Variants in PCDHGA4 observed in about 807,000 individuals in gnomAD.
The protein encoded by PCDHGA4 is protocadherin gamma subfamily A, 4, also known as protocadherin gamma-A4.
Under a neutral mutation model 54.6 loss-of-function variants are expected in PCDHGA4, and 38 were observed. The ratio of observed to expected loss-of-function variants is 0.70; its 90% confidence interval spans 0.54 to 0.91. The LOEUF is 0.91. PCDHGA4 is among the 40% of genes least tolerant of loss of function. The pLI is 0.00. For missense variants in PCDHGA4, 1,298 were observed against 1,220.9 expected, an observed-to-expected ratio of 1.06 and a Z score of -0.94; for synonymous variants, 511 against 512.9, an observed-to-expected ratio of 1.00 and a Z score of 0.05.
At chr5:141,444,125 C>A (rs1459174213) in intron 1 of PCDHGA4, among the ~76,000 whole-genome samples, 2 of 130,784 alleles carry the variant, frequency 1.5e-5, no homozygotes, top group African/African-American at 5.7e-5. Flanking sequence ...AGTATCTCAA[C>A]AGATATGTGT....
chr5:141,442,596 T>C (rs2154559877), intron 1 of PCDHGA4: 1 of 152,310 alleles, frequency 6.6e-6, no homozygotes, highest in South Asian at 2.1e-4. Flanking sequence ...TTAAATATTT[T>C]CAGAGATCTC....
Position 141,393,813 on chromosome 5 carries a change from C to T in PCDHGA4, c.2514+36192C>T, listed in dbSNP as rs376904307. On this transcript the variant is annotated intron_variant, in intron 1 of 3. Coordinates refer to ENST00000571252, the MANE Select transcript of PCDHGA4 (RefSeq NM_018917.4). ...GGCACTTCTGGGGAGGACCAAATTGCTCATTTCGGTGGAAGATGTAAATGA... is the reference window on the plus strand; with the variant it reads ...GGCACTTCTGGGGAGGACCAAATTGTTCATTTCGGTGGAAGATGTAAATGA... 4.3e-6 allele frequency: 7 copies of T among 1,613,812 alleles called. 1 individual carries two copies. The East Asian group carries it at 8.9e-5, about 21-fold the overall frequency.
chr5:141,477,874 T>G lies in PCDHGA4; in HGVS notation c.2515-16933T>G. On this transcript the variant is annotated intron_variant, in intron 1 of 3. Coordinates refer to ENST00000571252, the MANE Select transcript of PCDHGA4 (RefSeq NM_018917.4). This position sits in a 1 kb window ranked among gnomAD's most constrained non-coding sequence, Gnocchi z 4.9. ...AGATGCTGCCTCGAGGTACCTCAGC[T>G]GGCCACCTAGTGTCACGGGTGGTAG... 1 of 1,614,176 alleles carries G rather than the reference T, an allele frequency of 6.2e-7. No individual in the cohort carries two copies. The highest frequency in any genetic ancestry group is 8.5e-7 in the Non-Finnish European group (1 of 1,180,028).
At chr5:141,473,169 C>T (rs141382764) in intron 1 of PCDHGA4, among the ~76,000 whole-genome samples, 2 of 152,286 alleles carry the variant, frequency 1.3e-5, no homozygotes, top group East Asian at 3.9e-4. Context: ...GGAAGGCCCA[C>T]TGGTAACTTG....
chr5:141,473,616 G>A (rs1049605139), intron 1 of PCDHGA4, among the ~76,000 whole-genome samples: 5 of 152,118 alleles, frequency 3.3e-5, no homozygotes, highest in African/African-American at 1.2e-4. Flanking sequence ...GCAAAGGGAG[G>A]GAGGAAAAAG....
At chr5:141,415,266 G>T in intron 1 of PCDHGA4, 1 of 1,614,218 alleles carries the variant, frequency 6.2e-7, no homozygotes, top group Non-Finnish European at 8.5e-7. Flanking sequence ...CTCTGTACCT[G>T]GTGGTAGCGG....
At chr5:141,474,159 G>A (rs2154571930) in intron 1 of PCDHGA4, among the ~76,000 whole-genome samples, 1 of 152,226 alleles carries the variant, frequency 6.6e-6, no homozygotes, top group South Asian at 2.1e-4. Context: ...GAAAATGACA[G>A]GCCTTATTAT....
Position 141,431,046 on chromosome 5 carries a change from G to A in PCDHGA4, c.2515-63761G>A, listed in dbSNP as rs1324139757. 7 of 1,614,240 alleles carry A rather than the reference G, an allele frequency of 4.3e-6. 1 individual carries two copies. The Admixed American group carries it at 1.0e-4, about 23-fold the overall frequency. ...GGCAGGATAGACCGGGAGGAGCTCTGTATGGGGGCCATCAAGTGTCAATTA... is the reference window on the plus strand; with the variant it reads ...GGCAGGATAGACCGGGAGGAGCTCTATATGGGGGCCATCAAGTGTCAATTA... On this transcript the variant is annotated intron_variant, in intron 1 of 3. Transcript: ENST00000571252. The surrounding 1 kb of genome is among the most constrained non-coding windows in gnomAD (Gnocchi z 4.8).
intron 1 of PCDHGA4, chr5:141,414,517 G>A: frequency 6.2e-7 from 1 of 1,613,964 alleles, no homozygotes; most frequent in Non-Finnish European, 8.5e-7. Context: ...ACAAGTGGCA[G>A]ATATCAATGA....
At chr5:141,475,996 G>T (rs2099383729) in intron 1 of PCDHGA4, 4 of 1,181,402 alleles carry the variant, frequency 3.4e-6, no homozygotes, top group Non-Finnish European at 3.5e-6. Flanking sequence ...GCAAATCAAC[G>T]GCATCCAGAA....
intron 1 of PCDHGA4, among the ~76,000 whole-genome samples, chr5:141,481,049 C>A (rs1165894624): frequency 1.3e-5 from 2 of 152,096 alleles, no homozygotes; most frequent in Non-Finnish European, 2.9e-5. Context: ...CAGAGCGAGA[C>A]TCCACCTCAA....
At position 141,485,009 on chromosome 5, in the gene PCDHGA4, C is replaced by T. The variant is rs531346426; in HGVS notation, c.2515-9798C>T. The T allele has an allele frequency of 6.4e-5, 40 of 628,334 alleles. No homozygotes were observed. Among genetic ancestry groups the T allele is most frequent in the Admixed American group, 5.3e-4 (18 of 33,986 alleles). The allele number at this position is 628,334 out of a possible 1,614,324, so 38.9% of individuals were successfully genotyped here. On this transcript the variant is annotated intron_variant, in intron 1 of 3. Transcript: ENST00000571252. The surrounding 1 kb of genome is among the most constrained non-coding windows in gnomAD (Gnocchi z 5.7). Reference sequence around the variant, plus strand: ...GGTGGTGAAAGGCAGACAAATCTACCCCGCCACCAGCAAAAACGGCGCGTA... The same window carrying T: ...GGTGGTGAAAGGCAGACAAATCTACTCCGCCACCAGCAAAAACGGCGCGTA...
At chr5:141,389,180 CA>C (rs2091638521) in intron 1 of PCDHGA4, 6 of 1,614,034 alleles carry the variant, frequency 3.7e-6, no homozygotes, top group Non-Finnish European at 5.1e-6. Context: ...CCCTCTCCTC[CA>C]GTTCCAGCAT....
chr5:141,507,862 G>T (rs17286954), intron 3 of PCDHGA4, among the ~76,000 whole-genome samples: 20,426 of 152,154 alleles, frequency 0.13, 1,374 homozygotes, highest in Admixed American at 0.16. Context: ...TTTCACACCC[G>T]CTTCCTAGCC....
intron 1 of PCDHGA4, chr5:141,362,522 C>T (rs780916680): frequency 3.7e-6 from 6 of 1,614,018 alleles, no homozygotes; most frequent in Non-Finnish European, 5.1e-6. Flanking sequence ...CATGGAGCCG[C>T]TGGGGTCCCT....
Position 141,357,282 on chromosome 5 carries a change from G to T in PCDHGA4, c.2175G>T (p.Val725=). ...ACTCGGGCCTCACACTCTATCTCGT[G>T]GTGGCAGTGGCCGCTGTCTCCTGCG... ...PDDSGLTLYL[V]VAVAAVSCVF... Residue 725 remains valine, a synonymous_variant, in exon 1 of 4, where the codon GTG becomes GTT. Transcript: ENST00000571252. 1.2e-6 allele frequency: 2 copies of T among 1,613,964 alleles called. No homozygotes were observed. Among genetic ancestry groups the T allele is most frequent in the Non-Finnish European group, 1.7e-6 (2 of 1,179,858 alleles).
rs1761787404 is a variant in PCDHGA4 at position 141,360,887 on chromosome 5, T to C, written c.2514+3266T>C. The C allele has an allele frequency of 2.5e-6, 4 of 1,613,900 alleles. No individual in the cohort carries two copies. The South Asian group carries it at 4.4e-5, about 18-fold the overall frequency. ...AGCCAGGACGTGTACAGGGTCACCC[T>C]GAGGGAGGACGTGCCGCCGGGCTTC... On this transcript the variant is annotated intron_variant, in intron 1 of 3. Transcript: ENST00000571252.
At chr5:141,415,454 A>G (rs899212436) in intron 1 of PCDHGA4, 2 of 1,614,162 alleles carry the variant, frequency 1.2e-6, no homozygotes, top group Non-Finnish European at 8.5e-7. Flanking sequence ...TATTCCCACG[A>G]GGTCTCTCTC....
intron 1 of PCDHGA4, chr5:141,377,280 A>G (rs1773849718): frequency 6.6e-6 from 1 of 151,152 alleles, no homozygotes; most frequent in Non-Finnish European, 1.5e-5. Context: ...GGGAAAAAAA[A>G]TAACCTTAAT....
Sources: allele counts gnomAD v4.1 joint callset (sites outside exome capture counted in the v4.1 genomes callset), GRCh38; gene constraint gnomAD v4.1.1; non-coding constraint Gnocchi (gnomAD v3.1); transcripts MANE v1.5; gene names NCBI Gene and HGNC (gene_info 2026-07-23, HGNC 2026-07-21).